FLRT3: variants seen among roughly 807,000 people sequenced by gnomAD.
FLRT3 encodes the protein leucine-rich repeat transmembrane protein FLRT3.
FLRT3 carries 17 observed loss-of-function variants against 42.6 expected under a neutral mutation model. That is an observed-to-expected ratio of 0.40 (90% CI 0.27 to 0.60). The LOEUF (loss-of-function observed/expected upper bound fraction) is 0.60, where lower values mean the gene tolerates loss of function less well. FLRT3 is among the 20% of genes least tolerant of loss of function. The pLI, the probability that FLRT3 is intolerant of heterozygous loss-of-function variation, is 0.44. For synonymous variants in FLRT3, 279 were observed against 286.4 expected, an observed-to-expected ratio of 0.97 and a Z score of 0.26; for missense variants, 635 against 789.2, an observed-to-expected ratio of 0.80 and a Z score of 2.34.
chr20:14,323,955 C>T lies in FLRT3; in HGVS notation c.*1602G>A, dbSNP rs1432551738. ...AGGAAATACATTTATACATGAAACA[C>T]TGAACTCTTTGAAGTAAAATGATAC... On this transcript the variant is annotated 3_prime_UTR_variant, in exon 3 of 3. Transcript: ENST00000341420. The T allele has an allele frequency of 6.6e-6, 1 of 152,122 alleles. No individual in the cohort carries two copies. 9.4% of individuals were successfully genotyped at this position (152,122 alleles called of 1,614,324 possible). A position where few individuals can be genotyped will look rare whatever the true frequency, so the allele number is the denominator to read the frequency against.
chr20:14,331,606 T>A (rs1359209859), intron 1 of FLRT3, among the ~76,000 whole-genome samples: 1 of 152,146 alleles, frequency 6.6e-6, no homozygotes, highest in African/African-American at 2.4e-5. Context: ...GCTACTCTCA[T>A]ATGCCCCTGC....
Position 14,326,668 on chromosome 20 carries a change from T to C in FLRT3, c.839A>G (p.Asn280Ser). ...LRQLYRLDMSNNNLSNLPQGI... is the reference protein window; with the variant it reads ...LRQLYRLDMSSNNLSNLPQGI... ...CTGAGGTAAATTACTTAGGTTATTA[T>C]TGGACATATCCAGTCGATAGAGCTG... The change falls in exon 3 of 3, where the codon AAT becomes AGT. Residue 280 changes from asparagine (N) to serine (S), a missense_variant. Asn to Ser is a conservative substitution (Grantham distance 46). Coordinates refer to ENST00000341420, the MANE Select transcript of FLRT3 (RefSeq NM_198391.3). This position sits in a 1 kb window ranked among gnomAD's most constrained non-coding sequence, Gnocchi z 5.5. 1 of 1,613,814 alleles carries C rather than the reference T, an allele frequency of 6.2e-7. No individual in the cohort carries two copies. The highest frequency in any genetic ancestry group is 1.1e-5 in the South Asian group (1 of 91,078).
chr20:14,327,794 C>T (rs1228872287), intron 2 of FLRT3, among the ~76,000 whole-genome samples: 1 of 151,842 alleles, frequency 6.6e-6, no homozygotes, highest in African/African-American at 2.4e-5. Flanking sequence ...GTCCTAAATC[C>T]ATTTGATTTT....
Position 14,331,973 on chromosome 20 carries a change from T to C in FLRT3, c.-246-2646A>G, listed in dbSNP as rs189564466. Reference sequence around the variant, plus strand: ...ATTACTTCTGAACAAAATGAATCGATCTTTTAGAAAAATACTGTTAATGGG... The same window carrying C: ...ATTACTTCTGAACAAAATGAATCGACCTTTTAGAAAAATACTGTTAATGGG... On this transcript the variant is annotated intron_variant, in intron 1 of 2. Transcript: ENST00000341420. Among the ~76,000 whole-genome samples the C allele has an allele frequency of 1.1e-3, 175 of 152,224 alleles. 1 individual carries two copies. The highest frequency in any genetic ancestry group is 4.2e-3 in the African/African-American group (175 of 41,556).
intron 2 of FLRT3, among the ~76,000 whole-genome samples, chr20:14,328,390 C>T (rs546999414): frequency 6.6e-6 from 1 of 152,058 alleles, no homozygotes; most frequent in Non-Finnish European, 1.5e-5. Context: ...TTTTCTACCT[C>T]ATAACGTGTT....
chr20:14,332,936 A>G (rs1208719212), intron 1 of FLRT3, among the ~76,000 whole-genome samples: 1 of 152,172 alleles, frequency 6.6e-6, no homozygotes, highest in African/African-American at 2.4e-5. Flanking sequence ...AATAAACTAC[A>G]TATACGGTTA....
Position 14,326,158 on chromosome 20 carries a change from C to A in FLRT3, c.1349G>T (p.Gly450Val), listed in dbSNP as rs1465626830. The change falls in exon 3 of 3, where the codon GGA becomes GTA. Residue 450 changes from glycine to valine, a missense_variant. By Grantham distance (109) the Gly-to-Val change is moderately radical. Transcript: ENST00000341420. The surrounding 1 kb of genome is among the most constrained non-coding windows in gnomAD (Gnocchi z 5.5). ...TGTTACAATTGTTTCTGTTATAGAT[C>A]CAAATGCCGGGCTATGGCCCAGTTT... ...WLKLGHSPAF[G>V]SITETIVTGE... 6.2e-7 allele frequency: 1 copy of A among 1,613,848 alleles called. No individual in the cohort carries two copies. The highest frequency in any genetic ancestry group is 1.7e-5 in the Admixed American group (1 of 59,976).
At chr20:14,336,993 A>C (rs573640194) in intron 1 of FLRT3, among the ~76,000 whole-genome samples, 3 of 152,224 alleles carry the variant, frequency 2.0e-5, no homozygotes, top group Non-Finnish European at 4.4e-5. Flanking sequence ...GGGATTATTG[A>C]TTTTCTTTCA....
chr20:14,333,858 CA>C (rs2082887432), intron 1 of FLRT3, among the ~76,000 whole-genome samples: 1 of 152,206 alleles, frequency 6.6e-6, no homozygotes, highest in Non-Finnish European at 1.5e-5. Context: ...GATCAATCCA[CA>C]GTCCAGTGGC....
At chr20:14,330,274 G>A (rs977285700) in intron 1 of FLRT3, among the ~76,000 whole-genome samples, 5 of 152,016 alleles carry the variant, frequency 3.3e-5, no homozygotes, top group African/African-American at 1.2e-4. Flanking sequence ...TATGCACGAA[G>A]ATTTTTTGAG....
chr20:14,326,081 T>G lies in FLRT3; in HGVS notation c.1426A>C (p.Lys476Gln). ...GTTTCCATGGGAACCATGCATACTT[T>G]ATAGGGTGAATCAGGCTCCAGGGCT... ...VTALEPDSPYKVCMVPMETSN... is the reference protein window; with the variant it reads ...VTALEPDSPYQVCMVPMETSN... The change falls in exon 3 of 3, where the codon AAA becomes CAA. Residue 476 changes from lysine to glutamine, a missense_variant. Coordinates refer to ENST00000341420, the MANE Select transcript of FLRT3 (RefSeq NM_198391.3). The surrounding 1 kb of genome is among the most constrained non-coding windows in gnomAD (Gnocchi z 5.5). 1 of 1,613,918 alleles carries G rather than the reference T, an allele frequency of 6.2e-7. No homozygotes were observed. The highest frequency in any genetic ancestry group is 2.2e-5 in the East Asian group (1 of 44,864).
In FLRT3 at chr20:14,326,025, A is replaced by G. The variant is rs1201354015; in HGVS notation, c.1482T>C (p.Pro494=). Residue 494 remains proline, a synonymous_variant, in exon 3 of 3, where the codon CCT becomes CCC. Transcript: ENST00000341420. The surrounding 1 kb of genome is among the most constrained non-coding windows in gnomAD (Gnocchi z 5.5). ...TSNLYLFDET[P]VCIETETAPL... is the part of the protein sequence containing the mutation. ...GTGCAGTTTCAGTCTCAATACAAAC[A>G]GGAGTTTCATCAAATAGGTAGAGGT... 4.3e-6 allele frequency: 7 copies of G among 1,613,830 alleles called. No individual in the cohort carries two copies. In the Middle Eastern group the frequency reaches 8.2e-4, roughly 190 times the overall value.
In FLRT3 at chr20:14,323,075, A is replaced by T. The variant is rs948145540; in HGVS notation, c.*2482T>A. 1 of 152,172 alleles carries T rather than the reference A, an allele frequency of 6.6e-6. No individual in the cohort carries two copies. Among genetic ancestry groups the T allele is most frequent in the Non-Finnish European group, 1.5e-5 (1 of 68,028 alleles). The allele number at this position is 152,172 out of a possible 1,614,324, so 9.4% of individuals were successfully genotyped here. The stretch of plus-strand genomic sequence containing the variant: ...CAAGTTTTGCCCCATACACCACGCA[A>T]GCAATCAGTTCTTCAGCAGATACCA... On this transcript the variant is annotated 3_prime_UTR_variant, in exon 3 of 3. Transcript: ENST00000341420.
At chr20:14,334,155 A>G (rs1337428069) in intron 1 of FLRT3, among the ~76,000 whole-genome samples, 1 of 152,202 alleles carries the variant, frequency 6.6e-6, no homozygotes, top group Non-Finnish European at 1.5e-5. Context: ...CTTTCTACTT[A>G]AAATCTGTTT....
In FLRT3 at chr20:14,325,305, A is replaced by G. The variant is rs192657890; in HGVS notation, c.*252T>C. 3.0e-6 allele frequency: 1 copy of G among 337,060 alleles called. No homozygotes were observed. The highest frequency in any genetic ancestry group is 2.1e-5 in the African/African-American group (1 of 46,828). 20.9% of individuals were successfully genotyped at this position (337,060 alleles called of 1,614,324 possible). A position where few individuals can be genotyped will look rare whatever the true frequency, so the allele number is the denominator to read the frequency against. ...ACTCCAATATTTGCAAGGAAAATAC[A>G]GTACAAATTACTAAAAAATACTAAA... On this transcript the variant is annotated 3_prime_UTR_variant, in exon 3 of 3. Coordinates refer to ENST00000341420, the MANE Select transcript of FLRT3 (RefSeq NM_198391.3).
intron 1 of FLRT3, among the ~76,000 whole-genome samples, chr20:14,331,733 G>T (rs145602511): frequency 3.3e-5 from 5 of 152,002 alleles, no homozygotes; most frequent in Non-Finnish European, 5.9e-5. Context: ...CATATTAAAG[G>T]CTGCAAGGAT....
chr20:14,324,730 G>T lies in FLRT3; in HGVS notation c.*827C>A, dbSNP rs1338556659. 1 of 151,898 alleles carries T rather than the reference G, an allele frequency of 6.6e-6. No homozygotes were observed. The highest frequency in any genetic ancestry group is 2.1e-4 in the South Asian group (1 of 4,814). 9.4% of individuals were successfully genotyped at this position (151,898 alleles called of 1,614,324 possible). On this transcript the variant is annotated 3_prime_UTR_variant, in exon 3 of 3. Coordinates refer to ENST00000341420, the MANE Select transcript of FLRT3 (RefSeq NM_198391.3). ...ATAGGCAAAACCAAAATGCAGTTTT[G>T]GTATTTGTGTTCATTACACTATACA... is the stretch of plus-strand genomic sequence containing the variant.
Position 14,326,422 on chromosome 20 carries a change from C to T in FLRT3, c.1085G>A (p.Ser362Asn). The T allele has an allele frequency of 1.2e-6, 2 of 1,613,878 alleles. No homozygotes were observed. The highest frequency in any genetic ancestry group is 1.7e-6 in the Non-Finnish European group (2 of 1,179,882). ...LFDCKDSGIV[S>N]TIQITTAIPN... ...TATTGCAGTGGTTATCTGAATGGTG[C>T]TTACAATCCCACTGTCCTTACAATC... Residue 362 changes from serine (S) to asparagine (N), a missense_variant, in exon 3 of 3, where the codon AGC becomes AAC. Physicochemically the swap from Ser to Asn is conservative, Grantham distance 46 (BLOSUM62 1). Coordinates refer to ENST00000341420, the MANE Select transcript of FLRT3 (RefSeq NM_198391.3). This position sits in a 1 kb window ranked among gnomAD's most constrained non-coding sequence, Gnocchi z 5.5.
Position 14,325,253 on chromosome 20 carries a change from A to G in FLRT3, c.*304T>C. ...TCACAGTCAACAAGTCATCTTACTC[A>G]GTAGAACACAAAGTAAATGGTTTAT... On this transcript the variant is annotated 3_prime_UTR_variant, in exon 3 of 3. Transcript: ENST00000341420. 1 of 212,948 alleles carries G rather than the reference A, an allele frequency of 4.7e-6. No homozygotes were observed. The highest frequency in any genetic ancestry group is 9.2e-6 in the Non-Finnish European group (1 of 108,138). The allele number at this position is 212,948 out of a possible 1,614,324, so 13.2% of individuals were successfully genotyped here.
Sources: allele counts gnomAD v4.1 joint callset (sites outside exome capture counted in the v4.1 genomes callset), GRCh38; gene constraint gnomAD v4.1.1; non-coding constraint Gnocchi (gnomAD v3.1); transcripts MANE v1.5; gene names NCBI Gene and HGNC (gene_info 2026-07-23, HGNC 2026-07-21).